The following GATB variants were observed in gnomAD, a reference collection of about 807,000 sequenced individuals.
GATB encodes glutamyl-tRNA amidotransferase subunit B, also known as glutamyl-tRNA(Gln) amidotransferase subunit B, mitochondrial.
A neutral mutation model predicts 62.3 loss-of-function variants in GATB; 39 were observed. The observed-to-expected ratio is 0.63, with a 90% CI of 0.48 to 0.82. GATB has a LOEUF of 0.82. GATB is among the 40% of genes least tolerant of loss of function. GATB has a pLI of 0.00. For missense variants in GATB, 670 were observed against 684.0 expected (o/e 0.98, Z 0.23); for synonymous variants, 276 against 258.9 (o/e 1.07, Z -0.63).
At chr4:151,704,998 T>C (rs926217199) in intron 7 of GATB, among the ~76,000 whole-genome samples, 187 bp downstream of exon 7, 6 of 151,108 alleles carry the variant, frequency 4.0e-5, no homozygotes, top group African/African-American at 7.3e-5. Context: ...GATCTGCCCA[T>C]TGCCTCCCAA....
At chr4:151,759,016 G>C (rs1739897054) in intron 1 of GATB, 94 bp from the exon 2 acceptor site, 1 of 860,858 alleles carries the variant, frequency 1.2e-6, no homozygotes. Flanking sequence ...TTTCCTATAT[G>C]TGTTTTAAAC....
At chr4:151,746,826 C>A (rs1232543763) in intron 2 of GATB, among the ~76,000 whole-genome samples, 1 of 152,058 alleles carries the variant, frequency 6.6e-6, no homozygotes, top group Non-Finnish European at 1.5e-5. Context: ...AGGCAGGAGG[C>A]AGAAATGAAG....
At chr4:151,699,263 C>T (rs1738551761) in intron 9 of GATB, among the ~76,000 whole-genome samples, 1 of 151,840 alleles carries the variant, frequency 6.6e-6, no homozygotes, top group African/African-American at 2.4e-5. Context: ...GTGGCGCATG[C>T]CTGGAATCCC....
At chr4:151,738,030 C>T (rs1453360794) in intron 2 of GATB, among the ~76,000 whole-genome samples, 2 of 152,168 alleles carry the variant, frequency 1.3e-5, no homozygotes, top group Non-Finnish European at 2.9e-5. Context: ...AAGACAGAGT[C>T]CCTACTGGGG....
chr4:151,696,443 T>G (rs1188238275), intron 9 of GATB, among the ~76,000 whole-genome samples: 1 of 152,236 alleles, frequency 6.6e-6, no homozygotes, highest in Middle Eastern at 3.2e-3. Context: ...AAACATCAAT[T>G]AACTAAAAAC....
chr4:151,717,509 C>G (rs1738938065), intron 3 of GATB, among the ~76,000 whole-genome samples: 1 of 152,226 alleles, frequency 6.6e-6, no homozygotes, highest in African/African-American at 2.4e-5. Context: ...ATTTTGCCAT[C>G]TACTCTCCAC....
chr4:151,704,483 T>G (rs1479744725), intron 7 of GATB, among the ~76,000 whole-genome samples: 4 of 152,140 alleles, frequency 2.6e-5, no homozygotes, highest in African/African-American at 9.6e-5. Context: ...AGACGGAGTC[T>G]TGCTCTGTCG....
At chr4:151,686,662 CA>C (rs1245233023) in intron 10 of GATB, among the ~76,000 whole-genome samples, 6 of 129,402 alleles carry the variant, frequency 4.6e-5, no homozygotes, top group East Asian at 3.0e-4. Context: ...GCCCCCCCCC[CA>C]CCCCCCAGTT....
At chr4:151,756,086 G>A in intron 2 of GATB, among the ~76,000 whole-genome samples, 1 of 152,230 alleles carries the variant, frequency 6.6e-6, no homozygotes, top group Non-Finnish European at 1.5e-5. Context: ...ACAGCCATGT[G>A]AGAAGGCACA....
At chr4:151,720,904 AG>A (rs1341597792) in intron 2 of GATB, 4 of 152,226 alleles carry the variant, frequency 2.6e-5, no homozygotes, top group African/African-American at 9.6e-5. Flanking sequence ...ACAAAATGGA[AG>A]GGGCATTTCT....
At position 151,703,850 on chromosome 4, in the gene GATB, C is replaced by T; in HGVS notation, c.1007+1G>A. 2 of 1,593,426 alleles carry T rather than the reference C, an allele frequency of 1.3e-6. No individual in the cohort carries two copies. The highest frequency in any genetic ancestry group is 1.1e-5 in the South Asian group (1 of 90,648). Reference sequence around the variant, plus strand: ...GGTATTTTGCCATAAGGAGTAACCACCTGTAGTCCTGTTTTCCTTCTTTGT... The same window carrying T: ...GGTATTTTGCCATAAGGAGTAACCATCTGTAGTCCTGTTTTCCTTCTTTGT... On this transcript the variant is annotated splice_donor_variant, in intron 8 of 12. Coordinates refer to ENST00000263985, the MANE Select transcript of GATB (RefSeq NM_004564.3). LOFTEE classifies it high-confidence loss of function.
Position 151,731,879 on chromosome 4 carries a change from CAGCCACCCAG to C in GATB, c.328-12351_328-12342del, listed in dbSNP as rs1739263671. ...AGAAGTGAGGAGCCCCTCCGCCCGG[CAGCCACCCAG>C]CAGCCGCCCCATCCGGGAGGGAGGT... On this transcript the variant is annotated intron_variant, in intron 2 of 12. Coordinates refer to ENST00000263985, the MANE Select transcript of GATB (RefSeq NM_004564.3). Among the ~76,000 whole-genome samples the C allele has an allele frequency of 2.6e-5, 4 of 151,536 alleles. No individual in the cohort carries two copies. In the South Asian group the frequency reaches 8.3e-4, roughly 32 times the overall value.
chr4:151,695,213 G>A (rs913993286), intron 9 of GATB, among the ~76,000 whole-genome samples: 5 of 152,124 alleles, frequency 3.3e-5, no homozygotes, highest in African/African-American at 9.7e-5. Flanking sequence ...TCTCCCTGGC[G>A]ACATATTCTT....
intron 2 of GATB, chr4:151,719,754 C>T (rs1448521763): frequency 1.5e-5 from 6 of 388,638 alleles, no homozygotes; most frequent in South Asian, 1.1e-4. Flanking sequence ...TGGGTCCCAC[C>T]GGGCACTTAA....
chr4:151,670,991 G>A lies in GATB; in HGVS notation c.*183C>T. Reference sequence around the variant, plus strand: ...GGGTGGCTGCTGGTCGGCTGTGGAGGCACCTCCAGGCACAGGGCCTAGAGG... The same window carrying A: ...GGGTGGCTGCTGGTCGGCTGTGGAGACACCTCCAGGCACAGGGCCTAGAGG... On this transcript the variant is annotated 3_prime_UTR_variant, in exon 13 of 13. Transcript: ENST00000263985. The A allele has an allele frequency of 4.5e-6, 3 of 667,646 alleles. No homozygotes were observed. The highest frequency in any genetic ancestry group is 7.5e-6 in the Non-Finnish European group (3 of 400,528). 41.4% of individuals were successfully genotyped at this position (667,646 alleles called of 1,614,324 possible). A position where few individuals can be genotyped will look rare whatever the true frequency, so the allele number is the denominator to read the frequency against.
At chr4:151,747,874 C>T (rs1739633585) in intron 2 of GATB, among the ~76,000 whole-genome samples, 1 of 152,040 alleles carries the variant, frequency 6.6e-6, no homozygotes, top group South Asian at 2.1e-4. Context: ...AAAGCAAGAG[C>T]CACCAACACA....
chr4:151,738,052 G>A (rs1739412566), intron 2 of GATB, among the ~76,000 whole-genome samples: 1 of 152,176 alleles, frequency 6.6e-6, no homozygotes, highest in Non-Finnish European at 1.5e-5. Flanking sequence ...ACCACGCTGT[G>A]AGAGGAGGGC....
chr4:151,757,467 ATTTTTT>A (rs745311470), intron 2 of GATB, among the ~76,000 whole-genome samples: 4 of 103,820 alleles, frequency 3.9e-5, no homozygotes, highest in South Asian at 3.5e-4. Flanking sequence ...CAGCTTCCAG[ATTTTTT>A]TTTTTTTTTT....
chr4:151,684,005 T>G (rs1738196697), intron 10 of GATB, among the ~76,000 whole-genome samples: 1 of 152,214 alleles, frequency 6.6e-6, no homozygotes, highest in Non-Finnish European at 1.5e-5. Flanking sequence ...CCATCCTGCC[T>G]TTTGCATTCC....
Sources: allele counts gnomAD v4.1 joint callset (sites outside exome capture counted in the v4.1 genomes callset), GRCh38; gene constraint gnomAD v4.1.1; transcripts MANE v1.5; gene names NCBI Gene and HGNC (gene_info 2026-07-23, HGNC 2026-07-21).